The following SLIT1 variants were observed in gnomAD, a reference collection of about 807,000 sequenced individuals.
The protein encoded by SLIT1 is slit guidance ligand 1, also known as slit homolog 1 protein.
SLIT1 carries 66 observed loss-of-function variants against 186.1 expected under a neutral mutation model. The ratio of observed to expected loss-of-function variants is 0.35; its 90% CI spans 0.29 to 0.44. The LOEUF (loss-of-function observed/expected upper bound fraction) is 0.44, where lower values mean the gene tolerates loss of function less well. Among genes scored for constraint, SLIT1 ranks in the 20% least tolerant of loss-of-function variants. The pLI, the probability that SLIT1 is intolerant of heterozygous loss-of-function variation, is 1.00. For missense variants in SLIT1, 1,638 were observed against 2,037.4 expected, an observed-to-expected ratio of 0.80 and a Z score of 3.77; for synonymous variants, 761 against 833.8, an observed-to-expected ratio of 0.91 and a Z score of 1.50.
intron 20 of SLIT1, 80 bp from the exon 21 acceptor site, chr10:97,040,200 G>A: frequency 7.1e-7 from 1 of 1,400,568 alleles, no homozygotes; most frequent in Non-Finnish European, 9.4e-7. Context: ...GCCATGCTCT[G>A]GGGCCTCTCA....
At chr10:97,040,175 C>A in intron 20 of SLIT1, 55 bp from the exon 21 acceptor site, 7 of 1,474,290 alleles carry the variant, frequency 4.7e-6, no homozygotes, top group South Asian at 1.4e-5. Flanking sequence ...CGCTGTAGGG[C>A]CTCCTACAGT....
At chr10:97,017,848 CTTT>C (rs1177419241) in intron 28 of SLIT1, among the ~76,000 whole-genome samples, 12 of 134,612 alleles carry the variant, frequency 8.9e-5, no homozygotes, top group East Asian at 2.2e-4. Context: ...ATTTTCTTTT[CTTT>C]TTTTTTTTTT....
intron 28 of SLIT1, among the ~76,000 whole-genome samples, chr10:97,016,138 G>A (rs528854273): frequency 7.2e-5 from 11 of 152,080 alleles, no homozygotes; most frequent in Non-Finnish European, 1.0e-4. Context: ...GTGAAACCCC[G>A]TCTCTACTAA....
At chr10:97,073,551 C>T (rs1849020120) in intron 4 of SLIT1, among the ~76,000 whole-genome samples, 1 of 152,160 alleles carries the variant, frequency 6.6e-6, no homozygotes, top group Admixed American at 6.5e-5. Context: ...ATGACAGATC[C>T]CCAGAGTCAG....
chr10:97,065,975 G>A (rs1310389521), intron 5 of SLIT1, 40 bp downstream of exon 5: 1 of 1,462,796 alleles, frequency 6.8e-7, no homozygotes, highest in Admixed American at 1.8e-5. Context: ...GAGTGGCCCT[G>A]GAGCCCCCAC....
chr10:97,067,503 A>C (rs1848959065), intron 4 of SLIT1, among the ~76,000 whole-genome samples: 1 of 152,200 alleles, frequency 6.6e-6, no homozygotes, highest in African/African-American at 2.4e-5. Context: ...AAAGGAGAAA[A>C]GGGAGGCTCA....
intron 1 of SLIT1, among the ~76,000 whole-genome samples, chr10:97,174,405 C>T (rs1275860343): frequency 6.6e-6 from 1 of 152,208 alleles, no homozygotes; most frequent in Non-Finnish European, 1.5e-5. Flanking sequence ...CTGGGCCTTC[C>T]CCACATCCTC....
At chr10:97,064,101 G>T (rs1052542074) in intron 7 of SLIT1, 67 bp downstream of exon 7, 1 of 1,324,388 alleles carries the variant, frequency 7.6e-7, no homozygotes, top group Non-Finnish European at 1.1e-6. Flanking sequence ...TTCACCTCCT[G>T]CCCCACCCAC....
intron 13 of SLIT1, among the ~76,000 whole-genome samples, chr10:97,052,099 TG>T (rs1848793350): frequency 2.6e-5 from 2 of 77,482 alleles, no homozygotes; most frequent in South Asian, 1.2e-3. Context: ...GGTTTTTTTT[TG>T]TTTGTTTTTT....
intron 25 of SLIT1, among the ~76,000 whole-genome samples, chr10:97,028,637 T>C (rs762864350): frequency 5.9e-5 from 9 of 152,252 alleles, no homozygotes; most frequent in Non-Finnish European, 1.3e-4. Flanking sequence ...GTACCTCCTC[T>C]GTGAAGCCCC....
At chr10:97,014,205 G>A (rs1848435007) in intron 28 of SLIT1, 47 bp from the exon 29 acceptor site, 1 of 1,603,596 alleles carries the variant, frequency 6.2e-7, no homozygotes. Context: ...TTGGAACACT[G>A]GTGGAAGCCT....
At chr10:97,066,268 T>C (rs1443300397) in intron 4 of SLIT1, among the ~76,000 whole-genome samples, 182 bp from the exon 5 acceptor site, 2 of 152,132 alleles carry the variant, frequency 1.3e-5, no homozygotes, top group African/African-American at 4.8e-5. Flanking sequence ...ATTTGTTGAA[T>C]GAATGAATGA....
chr10:97,145,278 C>T (rs976569899), intron 4 of SLIT1, among the ~76,000 whole-genome samples: 3 of 152,050 alleles, frequency 2.0e-5, no homozygotes, highest in East Asian at 1.9e-4. Context: ...CCATCACACC[C>T]GGCTAATTTT....
chr10:97,172,686 G>C (rs776942414), intron 1 of SLIT1, among the ~76,000 whole-genome samples: 17 of 152,130 alleles, frequency 1.1e-4, no homozygotes, highest in Non-Finnish European at 2.2e-4. Flanking sequence ...GAGGCCAAGT[G>C]GGGAGAATTG....
At chr10:97,165,774 A>C (rs921294019) in intron 1 of SLIT1, among the ~76,000 whole-genome samples, 13 of 152,066 alleles carry the variant, frequency 8.5e-5, no homozygotes, top group African/African-American at 2.9e-4. Context: ...AGGCCACCCC[A>C]CCATCTGGGT....
rs1341753223 is a variant in SLIT1, at chr10:97,004,334, T to G, written c.3711-112A>C. 2.5e-5 allele frequency: 27 copies of G among 1,078,672 alleles called. No homozygotes were observed. Among genetic ancestry groups the G allele is most frequent in the Admixed American group, 4.4e-5 (2 of 45,848 alleles). 66.8% of individuals were successfully genotyped at this position (1,078,672 alleles called of 1,614,324 possible). A position where few individuals can be genotyped will look rare whatever the true frequency, so the allele number is the denominator to read the frequency against. On this transcript the variant is annotated intron_variant, in intron 33 of 36. Transcript: ENST00000266058. This position sits in a 1 kb window ranked among gnomAD's most constrained non-coding sequence, Gnocchi z 5.1. ...GCTGCTTCCCAGGAGACCAAATATCTAAGGAAAAGGACTGTGGGGGCTCAA... is the reference window on the plus strand; with the variant it reads ...GCTGCTTCCCAGGAGACCAAATATCGAAGGAAAAGGACTGTGGGGGCTCAA...
At chr10:97,169,316 C>T (rs115059565) in intron 1 of SLIT1, among the ~76,000 whole-genome samples, 1,826 of 152,290 alleles carry the variant, frequency 0.012, 28 homozygotes, top group African/African-American at 0.042. Flanking sequence ...ACTAAGCTCC[C>T]GGGTCTGAGG....
chr10:97,097,043 G>A (rs1378202422), intron 4 of SLIT1, among the ~76,000 whole-genome samples: 1 of 152,164 alleles, frequency 6.6e-6, no homozygotes, highest in South Asian at 2.1e-4. Context: ...GGCAAGATGA[G>A]AGTGCACAGC....
chr10:97,040,271 C>T (rs549940250), intron 20 of SLIT1, 151 bp from the exon 21 acceptor site: 42 of 736,974 alleles, frequency 5.7e-5, no homozygotes, highest in Non-Finnish European at 7.8e-5. Flanking sequence ...TACACCTCCC[C>T]GCCAGCCACC....
Sources: allele counts gnomAD v4.1 joint callset (sites outside exome capture counted in the v4.1 genomes callset), GRCh38; gene constraint gnomAD v4.1.1; non-coding constraint Gnocchi (gnomAD v3.1); transcripts MANE v1.5; gene names NCBI Gene and HGNC (gene_info 2026-07-23, HGNC 2026-07-21).